Variants in CTNNA2 observed in about 807,000 individuals in gnomAD.
CTNNA2 encodes catenin alpha-2.
Under a neutral mutation model 101.0 loss-of-function variants are expected in CTNNA2, and 42 were observed. The ratio of observed to expected loss-of-function variants is 0.42; its 90% CI spans 0.32 to 0.54. CTNNA2 has a LOEUF of 0.54. Among genes scored for constraint, CTNNA2 ranks in the 20% least tolerant of loss-of-function variants. The pLI is 0.14. For missense variants in CTNNA2, 871 were observed against 1,223.1 expected, an observed-to-expected ratio of 0.71 and a Z score of 4.29; for synonymous variants, 450 against 456.4, an observed-to-expected ratio of 0.99 and a Z score of 0.18.
chr2:80,001,328 C>G (rs763401475), intron 7 of CTNNA2, among the ~76,000 whole-genome samples: 1 of 152,052 alleles, frequency 6.6e-6, no homozygotes, highest in Non-Finnish European at 1.5e-5. Context: ...CTTCTCTTCC[C>G]CTTATATCAT....
intron 3 of CTNNA2, among the ~76,000 whole-genome samples, chr2:79,796,773 C>T (rs1416591902): frequency 6.6e-6 from 1 of 152,158 alleles, no homozygotes; most frequent in African/African-American, 2.4e-5. Flanking sequence ...AAGCGGGTTA[C>T]TAGGAATGCA....
intron 2 of CTNNA2, among the ~76,000 whole-genome samples, chr2:79,305,528 G>T (rs1312988190): frequency 7.7e-6 from 1 of 129,498 alleles, no homozygotes; most frequent in African/African-American, 2.6e-5. Flanking sequence ...CACTCTTTTT[G>T]CTTTCTCGAT....
At chr2:79,669,852 T>C (rs1682705022) in intron 2 of CTNNA2, among the ~76,000 whole-genome samples, 2 of 152,144 alleles carry the variant, frequency 1.3e-5, no homozygotes, top group South Asian at 2.1e-4. Flanking sequence ...AGGAAGTGCA[T>C]GCCCATTGGT....
intron 4 of CTNNA2, among the ~76,000 whole-genome samples, chr2:79,445,928 ATTTT>A (rs988156750): frequency 6.6e-6 from 1 of 152,132 alleles, no homozygotes; most frequent in African/African-American, 2.4e-5. Flanking sequence ...TTTTCAAATA[ATTTT>A]TTATTTATAG....
At chr2:79,445,467 T>C (rs1333105807) in intron 4 of CTNNA2, among the ~76,000 whole-genome samples, 1 of 152,182 alleles carries the variant, frequency 6.6e-6, no homozygotes, top group Non-Finnish European at 1.5e-5. Flanking sequence ...CAAAGTGATT[T>C]GGTGGAAATT....
intron 1 of CTNNA2, among the ~76,000 whole-genome samples, chr2:79,649,564 A>G (rs984088008): frequency 3.3e-5 from 5 of 152,194 alleles, no homozygotes. Context: ...TTATCCTTCT[A>G]TGGCATGAGA....
chr2:80,391,535 A>ATGATTT (rs1415641764), intron 7 of CTNNA2, among the ~76,000 whole-genome samples: 8 of 152,362 alleles, frequency 5.3e-5, no homozygotes, highest in Admixed American at 6.5e-5. Context: ...ACAGGAAATT[A>ATGATTT]TGATTTTCAG....
intron 7 of CTNNA2, among the ~76,000 whole-genome samples, chr2:80,035,090 T>C (rs2104225157): frequency 1.3e-5 from 2 of 152,266 alleles, no homozygotes; most frequent in Admixed American, 1.3e-4. Context: ...GAACATTATG[T>C]AATTGAGAAA....
At chr2:80,194,778 G>T (rs2149004012) in intron 7 of CTNNA2, among the ~76,000 whole-genome samples, 1 of 149,594 alleles carries the variant, frequency 6.7e-6, no homozygotes, top group African/African-American at 2.4e-5. Flanking sequence ...TTATATATTT[G>T]CAATTGATGA....
intron 3 of CTNNA2, among the ~76,000 whole-genome samples, chr2:79,811,926 C>G (rs913877765): frequency 9.9e-5 from 15 of 152,114 alleles, no homozygotes; most frequent in Admixed American, 5.2e-4. Flanking sequence ...TTTCAACATA[C>G]AGATCTTGTG....
chr2:79,727,951 C>T (rs1285479835), intron 2 of CTNNA2, among the ~76,000 whole-genome samples: 2 of 151,840 alleles, frequency 1.3e-5, no homozygotes, highest in African/African-American at 2.4e-5. Context: ...TGTTTATGTG[C>T]CACATTTTCT....
chr2:80,488,540 A>T (rs1686780656), intron 9 of CTNNA2, among the ~76,000 whole-genome samples: 1 of 152,210 alleles, frequency 6.6e-6, no homozygotes, highest in South Asian at 2.1e-4. Context: ...TGTGAAGTTC[A>T]GGCTAGGCAA....
At chr2:80,397,011 C>A (rs1678081097) in intron 8 of CTNNA2, among the ~76,000 whole-genome samples, 1 of 152,134 alleles carries the variant, frequency 6.6e-6, no homozygotes, top group Admixed American at 6.6e-5. Context: ...CATTAAAAAT[C>A]AATAAGCAAA....
intron 7 of CTNNA2, among the ~76,000 whole-genome samples, chr2:80,321,931 T>TATTG (rs1559005035): frequency 6.8e-6 from 1 of 146,168 alleles, no homozygotes; most frequent in East Asian, 1.9e-4. Flanking sequence ...CTCTGTATTT[T>TATTG]ATTTATTTAT....
chr2:80,615,083 G>A, intron 17 of CTNNA2, among the ~76,000 whole-genome samples: 1 of 151,374 alleles, frequency 6.6e-6, no homozygotes, highest in East Asian at 1.9e-4. Flanking sequence ...ATGTGAATAG[G>A]CAAAAGAGAA....
At chr2:80,178,428 T>C (rs900378106) in intron 7 of CTNNA2, among the ~76,000 whole-genome samples, 3 of 152,200 alleles carry the variant, frequency 2.0e-5, no homozygotes, top group Non-Finnish European at 2.9e-5. Flanking sequence ...CTGCAGAAGA[T>C]GACAGGGCCT....
chr2:79,216,507 A>G (rs1177533982), intron 2 of CTNNA2, among the ~76,000 whole-genome samples: 2 of 151,792 alleles, frequency 1.3e-5, no homozygotes, highest in Admixed American at 1.3e-4. Context: ...GGATCGGGGC[A>G]CAGAGATAAG....
intron 2 of CTNNA2, among the ~76,000 whole-genome samples, chr2:79,700,476 C>T (rs995745168): frequency 6.6e-6 from 1 of 152,072 alleles, no homozygotes; most frequent in East Asian, 1.9e-4. Flanking sequence ...TCTCCAGTCC[C>T]TTCTTCCCCA....
chr2:79,411,168 G>A (rs141978842), intron 4 of CTNNA2, among the ~76,000 whole-genome samples: 33,851 of 151,600 alleles, frequency 0.22, 3,958 homozygotes, highest in Middle Eastern at 0.33. Flanking sequence ...ATTTTTTATC[G>A]CGTCTATTTG....
Sources: allele counts gnomAD v4.1 joint callset (sites outside exome capture counted in the v4.1 genomes callset), GRCh38; gene constraint gnomAD v4.1.1; transcripts MANE v1.5; gene names NCBI Gene and HGNC (gene_info 2026-07-23, HGNC 2026-07-21).